The following SRD5A2 variants were observed in gnomAD, a reference collection of about 807,000 sequenced individuals.
SRD5A2 encodes the protein steroid 5 alpha-reductase 2.
A neutral mutation model predicts 27.4 loss-of-function variants in SRD5A2; 30 were observed. The observed-to-expected ratio is 1.10, with a 90% CI of 0.82 to 1.49. The LOEUF is 1.49. Ranked by LOEUF, SRD5A2 falls within the 40% of genes most tolerant of loss-of-function variation. SRD5A2 has a pLI of 0.00. For missense variants in SRD5A2, 348 were observed against 323.4 expected (o/e 1.08, Z -0.58); for synonymous variants, 141 against 133.6 (o/e 1.06, Z -0.38).
intron 1 of SRD5A2, among the ~76,000 whole-genome samples, chr2:31,539,978 A>G (rs943608537): frequency 2.6e-5 from 4 of 152,246 alleles, no homozygotes; most frequent in African/African-American, 4.8e-5. Context: ...ATAGATGCCA[A>G]TACACTGTAT....
the SRD5A2 span, among the ~76,000 whole-genome samples, chr2:31,629,799 C>T: frequency 3.7e-3 from 561 of 152,292 alleles, 4 homozygotes; most frequent in African/African-American, 0.013. Flanking sequence ...CCATGACTTT[C>T]TTGAAAATGT....
intron 1 of SRD5A2, among the ~76,000 whole-genome samples, chr2:31,570,602 G>T (rs1318105090): frequency 1.3e-5 from 2 of 152,172 alleles, no homozygotes; most frequent in Non-Finnish European, 2.9e-5. Flanking sequence ...GTTTGCAGAT[G>T]ATGTGATTCT....
the SRD5A2 span, among the ~76,000 whole-genome samples, chr2:31,630,713 G>A: frequency 2.6e-5 from 4 of 152,158 alleles, no homozygotes; most frequent in Admixed American, 1.3e-4. Flanking sequence ...AAAAGAAAAA[G>A]GTAGCTTACT....
intron 1 of SRD5A2, among the ~76,000 whole-genome samples, chr2:31,550,182 C>T (rs1419851684): frequency 6.7e-6 from 1 of 148,698 alleles, no homozygotes; most frequent in Non-Finnish European, 1.5e-5. Context: ...TTAAAAACTA[C>T]ATTCATCTTT....
At chr2:31,555,748 A>G (rs757482038) in intron 1 of SRD5A2, among the ~76,000 whole-genome samples, 1 of 152,156 alleles carries the variant, frequency 6.6e-6, no homozygotes, top group Non-Finnish European at 1.5e-5. Flanking sequence ...GACAGAAAAC[A>G]TGTCCTGATA....
At position 31,529,411 on chromosome 2, in the gene SRD5A2, G is replaced by T; in HGVS notation, c.594C>A (p.Ile198=). 2 of 1,613,936 alleles carry T rather than the reference G, an allele frequency of 1.2e-6. No individual in the cohort carries two copies. The highest frequency in any genetic ancestry group is 1.7e-6 in the Non-Finnish European group (2 of 1,179,824). ...YVSGANFLGE[I]IEWIGYALAT... is the part of the protein sequence containing the mutation. ...CCAGGGCATAGCCGATCCATTCAAT[G>T]ATCTCACCGAGGAAATTGGCTCCAG... The change falls in exon 4 of 5, where the codon ATC becomes ATA. Residue 198 remains isoleucine (I), a synonymous_variant. Coordinates refer to ENST00000622030, the MANE Select transcript of SRD5A2 (RefSeq NM_000348.4).
At chr2:31,608,357 A>G in the SRD5A2 span, among the ~76,000 whole-genome samples, 2 of 151,956 alleles carry the variant, frequency 1.3e-5, no homozygotes, top group South Asian at 2.1e-4. Context: ...GAAATTATAA[A>G]CAATAACTAA....
the SRD5A2 span, among the ~76,000 whole-genome samples, chr2:31,630,702 A>C: frequency 6.6e-6 from 1 of 152,250 alleles, no homozygotes; most frequent in South Asian, 2.1e-4. Flanking sequence ...TTCTAAGTCA[A>C]AAAAGAAAAA....
chr2:31,588,059 ACAGT>A, the SRD5A2 span, among the ~76,000 whole-genome samples: 1 of 152,182 alleles, frequency 6.6e-6, no homozygotes, highest in African/African-American at 2.4e-5. Flanking sequence ...TTGAAAATAT[ACAGT>A]CAGAGGAGAC....
rs1665734695 is a variant in SRD5A2 at position 31,524,722 on chromosome 2, A to G, written c.*1474T>C. ...TATATAGTGAGTTTCTGTGCTTAGT[A>G]CCACTGGTGCTCATTTGTCAAAACA... is the stretch of plus-strand genomic sequence containing the variant. On this transcript the variant is annotated 3_prime_UTR_variant, in exon 5 of 5. Coordinates refer to ENST00000622030, the MANE Select transcript of SRD5A2 (RefSeq NM_000348.4). 1 of 230,762 alleles carries G rather than the reference A, an allele frequency of 4.3e-6. No individual in the cohort carries two copies. The highest frequency in any genetic ancestry group is 8.6e-6 in the Non-Finnish European group (1 of 116,526). The allele number at this position is 230,762 out of a possible 1,614,324, so 14.3% of individuals were successfully genotyped here. A position where few individuals can be genotyped will look rare whatever the true frequency, so the allele number is the denominator to read the frequency against.
intron 1 of SRD5A2, among the ~76,000 whole-genome samples, chr2:31,543,061 T>C (rs967753433): frequency 6.6e-6 from 1 of 152,126 alleles, no homozygotes; most frequent in African/African-American, 2.4e-5. Flanking sequence ...GAGATAGAAA[T>C]GACTTGTCAC....
chr2:31,550,468 A>G (rs1007569106), intron 1 of SRD5A2, among the ~76,000 whole-genome samples: 1 of 152,016 alleles, frequency 6.6e-6, no homozygotes, highest in East Asian at 1.9e-4. Flanking sequence ...ATTACAGGCT[A>G]CTAGTCCCCA....
chr2:31,662,211 T>C, the SRD5A2 span, among the ~76,000 whole-genome samples: 4 of 152,184 alleles, frequency 2.6e-5, no homozygotes, highest in Admixed American at 2.6e-4. Context: ...AGTTCTGTAT[T>C]ACCTATTGAA....
At chr2:31,657,202 T>C in the SRD5A2 span, among the ~76,000 whole-genome samples, 1 of 152,218 alleles carries the variant, frequency 6.6e-6, no homozygotes, top group African/African-American at 2.4e-5. Flanking sequence ...TTTTTTTGTG[T>C]GCACACAAAT....
intron 1 of SRD5A2, among the ~76,000 whole-genome samples, chr2:31,566,582 C>T (rs1666733706): frequency 6.6e-6 from 1 of 152,100 alleles, no homozygotes; most frequent in Non-Finnish European, 1.5e-5. Flanking sequence ...GCTACTTTGC[C>T]AGGTAACATG....
chr2:31,648,566 T>A, the SRD5A2 span, among the ~76,000 whole-genome samples: 2 of 152,230 alleles, frequency 1.3e-5, no homozygotes, highest in African/African-American at 4.8e-5. Flanking sequence ...TTTCAGCCAA[T>A]ATGTGATTTC....
At chr2:31,548,068 A>C (rs1666299967) in intron 1 of SRD5A2, among the ~76,000 whole-genome samples, 1 of 152,128 alleles carries the variant, frequency 6.6e-6, no homozygotes, top group Non-Finnish European at 1.5e-5. Flanking sequence ...TTAGACCCTT[A>C]CCTAATACTA....
At chr2:31,631,806 A>G in the SRD5A2 span, among the ~76,000 whole-genome samples, 3 of 152,098 alleles carry the variant, frequency 2.0e-5, no homozygotes, top group Non-Finnish European at 2.9e-5. Flanking sequence ...AAAGAGAACA[A>G]CTCCCCACAG....
At chr2:31,660,068 T>C in the SRD5A2 span, among the ~76,000 whole-genome samples, 1 of 152,102 alleles carries the variant, frequency 6.6e-6, no homozygotes, top group Non-Finnish European at 1.5e-5. Flanking sequence ...ATTTCATCTA[T>C]AGAATTTGAT....
Sources: gnomAD v4.1 joint callset for allele counts (sites outside exome capture counted in the v4.1 genomes callset) on GRCh38, gnomAD v4.1.1 for gene constraint, MANE v1.5 for transcripts, NCBI Gene and HGNC (gene_info 2026-07-23, HGNC 2026-07-21) for gene names.